Variants in AGXT2 observed in about 807,000 individuals in gnomAD.
AGXT2 encodes the protein alanine--glyoxylate aminotransferase 2, mitochondrial.
Under a neutral mutation model 62.5 loss-of-function variants are expected in AGXT2, and 61 were observed. The observed-to-expected ratio is 0.98, with a 90% CI of 0.79 to 1.21. The LOEUF (loss-of-function observed/expected upper bound fraction) is 1.21, where lower values mean the gene tolerates loss of function less well. Ranked by LOEUF, AGXT2 falls within the 50% of genes most tolerant of loss-of-function variation. The pLI, the probability that AGXT2 is intolerant of heterozygous loss-of-function variation, is 0.00. For missense variants in AGXT2, 666 were observed against 641.5 expected (o/e 1.04, Z -0.41); for synonymous variants, 243 against 218.7 (o/e 1.11, Z -0.98).
At chr5:35,047,250 G>A (rs1474270678) in intron 1 of AGXT2, among the ~76,000 whole-genome samples, 2 of 152,092 alleles carry the variant, frequency 1.3e-5, no homozygotes, top group Non-Finnish European at 2.9e-5. Flanking sequence ...ACCAACTTGA[G>A]CAACATAGTA....
chr5:35,018,224 G>A (rs1416841324), intron 9 of AGXT2, among the ~76,000 whole-genome samples: 2 of 152,044 alleles, frequency 1.3e-5, no homozygotes, highest in South Asian at 2.1e-4. Context: ...TACAGAGAAT[G>A]TCACAAAGAT....
At position 35,047,826 on chromosome 5, in the gene AGXT2, C is replaced by T; in HGVS notation, c.67G>A (p.Glu23Lys). 3 of 1,614,050 alleles carry T rather than the reference C, an allele frequency of 1.9e-6. No individual in the cohort carries two copies. Among genetic ancestry groups the T allele is most frequent in the Non-Finnish European group, 2.5e-6 (3 of 1,180,000 alleles). Residue 23 changes from glutamate (E) to lysine (K), a missense_variant, in exon 1 of 14, where the codon GAG becomes AAG. Coordinates refer to ENST00000231420, the MANE Select transcript of AGXT2 (RefSeq NM_031900.4). ...CLVTSAPRILEMHPFLSLGTS... is the reference protein window; with the variant it reads ...CLVTSAPRILKMHPFLSLGTS... ...TTACGGCTCAGGAAAGGATGCATCT[C>T]AAGGATCCTGGGAGCGGAAGTGACC...
At position 34,998,713 on chromosome 5, in the gene AGXT2, A is replaced by G. The variant is rs1337072237; in HGVS notation, c.*6T>C. The G allele has an allele frequency of 1.2e-6, 2 of 1,605,132 alleles. No individual in the cohort carries two copies. Among genetic ancestry groups the G allele is most frequent in the Non-Finnish European group, 1.7e-6 (2 of 1,172,176 alleles). Reference sequence around the variant, plus strand: ...AGACTTGTGGTTTTATTTATTTCTGACAATGTTACTTAGCTCTTCTTTCCA... The same window carrying G: ...AGACTTGTGGTTTTATTTATTTCTGGCAATGTTACTTAGCTCTTCTTTCCA... On this transcript the variant is annotated 3_prime_UTR_variant, in exon 14 of 14. Coordinates refer to ENST00000231420, the MANE Select transcript of AGXT2 (RefSeq NM_031900.4).
At chr5:35,015,354 G>T (rs1766812129) in intron 9 of AGXT2, among the ~76,000 whole-genome samples, 1 of 152,176 alleles carries the variant, frequency 6.6e-6, no homozygotes, top group Admixed American at 6.5e-5. Context: ...TGGCAGAATT[G>T]CCTGATTAAA....
At position 35,047,880 on chromosome 5, in the gene AGXT2, A is replaced by C. The variant is rs1768317095; in HGVS notation, c.13T>G (p.Trp5Gly). 6.2e-7 allele frequency: 1 copy of C among 1,613,992 alleles called. No individual in the cohort carries two copies. The highest frequency in any genetic ancestry group is 1.3e-5 in the African/African-American group (1 of 74,924). The change falls in exon 1 of 14, where the codon TGG becomes GGG. Residue 5 changes from tryptophan (W) to glycine (G), a missense_variant. Coordinates refer to ENST00000231420, the MANE Select transcript of AGXT2 (RefSeq NM_031900.4). ...CACAAGGGTCTCAGCAAATGTCTCCAGATTAGAGTCATTTCTCCCACTCAG... is the reference window on the plus strand; with the variant it reads ...CACAAGGGTCTCAGCAAATGTCTCCCGATTAGAGTCATTTCTCCCACTCAG... MTLIWRHLLRPLCLV... is the reference protein window; with the variant it reads MTLIGRHLLRPLCLV...
rs755414251 is a variant in AGXT2, at chr5:35,010,006, C to T, written c.1332G>A (p.Gln444=). The T allele has an allele frequency of 1.7e-5, 28 of 1,614,100 alleles. No individual in the cohort carries two copies. In the South Asian group the frequency reaches 2.6e-4, roughly 15 times the overall value. The change falls in exon 12 of 14, where the codon CAG becomes CAA. Residue 444 remains glutamine (Q), a synonymous_variant. Coordinates refer to ENST00000231420, the MANE Select transcript of AGXT2 (RefSeq NM_031900.4). ...KGLMIGIEMV[Q]DKISCRPLPR... Reference sequence around the variant, plus strand: ...GGGGCAGATTAGCACCTACCTTATCCTGCACCATTTCTATGCCTATCATGA... The same window carrying T: ...GGGGCAGATTAGCACCTACCTTATCTTGCACCATTTCTATGCCTATCATGA...
chr5:35,013,994 G>A lies in AGXT2; in HGVS notation c.1089C>T (p.Thr363=). 1 of 1,614,032 alleles carries A rather than the reference G, an allele frequency of 6.2e-7. No homozygotes were observed. The highest frequency in any genetic ancestry group is 8.5e-7 in the Non-Finnish European group (1 of 1,179,972). ...GNGFPMAAVI[T]TPEIAKSLAK... is the part of the protein sequence containing the mutation. ...ACTGCCTGTGGGTCCTACCTGGAGT[G>A]GTTATGACTGCTGCCATGGGAAAGC... The change falls in exon 10 of 14, where the codon ACC becomes ACT. Residue 363 remains threonine (T), a synonymous_variant. Coordinates refer to ENST00000231420, the MANE Select transcript of AGXT2 (RefSeq NM_031900.4).
At chr5:35,040,524 C>T (rs2112287789) in intron 2 of AGXT2, 51 bp downstream of exon 2, 1 of 1,523,102 alleles carries the variant, frequency 6.6e-7, no homozygotes, top group East Asian at 2.3e-5. Flanking sequence ...TCATTTGAGA[C>T]CTCCCCAGAG....
intron 1 of AGXT2, among the ~76,000 whole-genome samples, chr5:35,046,408 A>C (rs1768210351): frequency 6.6e-6 from 1 of 152,234 alleles, no homozygotes; most frequent in Admixed American, 6.5e-5. Flanking sequence ...GGAAAAGAGC[A>C]GTCCAAACAG....
chr5:35,028,847 C>T (rs555631602), intron 7 of AGXT2, among the ~76,000 whole-genome samples: 14 of 152,284 alleles, frequency 9.2e-5, no homozygotes, highest in Non-Finnish European at 1.8e-4. Flanking sequence ...CAGGGCTCCC[C>T]ACCTACCATC....
At chr5:35,014,683 G>A (rs1039305721) in intron 9 of AGXT2, among the ~76,000 whole-genome samples, 29 of 152,128 alleles carry the variant, frequency 1.9e-4, no homozygotes, top group Admixed American at 5.2e-4. Flanking sequence ...TAACTCATCC[G>A]TCAAGTAGAA....
At chr5:35,011,858 T>A (rs1350342431) in intron 11 of AGXT2, among the ~76,000 whole-genome samples, 1 of 151,174 alleles carries the variant, frequency 6.6e-6, no homozygotes, top group Non-Finnish European at 1.5e-5. Context: ...ATTGCAAAGA[T>A]ATGGAACCAA....
intron 7 of AGXT2, among the ~76,000 whole-genome samples, chr5:35,028,298 A>G (rs1767436002): frequency 6.6e-6 from 1 of 152,184 alleles, no homozygotes. Flanking sequence ...TCATGTTACC[A>G]GTACTAGCTG....
chr5:35,040,688 C>G (rs747577679), intron 1 of AGXT2, 25 bp from the exon 2 acceptor site: 1 of 1,562,678 alleles, frequency 6.4e-7, no homozygotes, highest in African/African-American at 1.4e-5. Flanking sequence ...AGTTAGAATC[C>G]TCAACTAAGC....
intron 6 of AGXT2, 52 bp from the exon 7 acceptor site, chr5:35,032,877 A>G (rs1767622445): frequency 1.4e-6 from 2 of 1,464,834 alleles, no homozygotes; most frequent in Non-Finnish European, 1.9e-6. Context: ...AAGACAGCCA[A>G]GTTAGGGTAG....
At position 35,010,010 on chromosome 5, in the gene AGXT2, A is replaced by T. The variant is rs548763349; in HGVS notation, c.1328T>A (p.Val443Glu). ...CAGATTAGCACCTACCTTATCCTGC[A>T]CCATTTCTATGCCTATCATGAGACC... ...GKGLMIGIEMVQDKISCRPLP... is the reference protein window; with the variant it reads ...GKGLMIGIEMEQDKISCRPLP... Residue 443 changes from valine to glutamate, a missense_variant, in exon 12 of 14, where the codon GTG (valine) becomes GAG (glutamate). Coordinates refer to ENST00000231420, the MANE Select transcript of AGXT2 (RefSeq NM_031900.4). 1.2e-6 allele frequency: 2 copies of T among 1,614,200 alleles called. No homozygotes were observed. The highest frequency in any genetic ancestry group is 2.2e-5 in the South Asian group (2 of 91,084).
chr5:35,025,415 T>A lies in AGXT2; in HGVS notation c.963+348A>T, dbSNP rs148962806. Among the ~76,000 whole-genome samples the A allele has an allele frequency of 3.2e-3, 492 of 152,248 alleles. 5 individuals carry two copies. Among genetic ancestry groups the A allele is most frequent in the African/African-American group, 0.011 (472 of 41,554 alleles). ...AAATAAAAACAACAAAAACCTTGGC[T>A]ATGAGATTAAATTTCCTATGATGTT... On this transcript the variant is annotated intron_variant, in intron 9 of 13. Coordinates refer to ENST00000231420, the MANE Select transcript of AGXT2 (RefSeq NM_031900.4).
At chr5:35,034,177 A>G (rs1281378434) in intron 5 of AGXT2, among the ~76,000 whole-genome samples, 2 of 152,084 alleles carry the variant, frequency 1.3e-5, no homozygotes, top group African/African-American at 4.8e-5. Flanking sequence ...TTGGTGCAAA[A>G]GTAATTGTGG....
Position 34,998,379 on chromosome 5 carries a change from C to G in AGXT2, c.*340G>C, listed in dbSNP as rs529230833. On this transcript the variant is annotated 3_prime_UTR_variant, in exon 14 of 14. Coordinates refer to ENST00000231420, the MANE Select transcript of AGXT2 (RefSeq NM_031900.4). The stretch of plus-strand genomic sequence containing the variant: ...AAACTTTCCCTGAAGGCACCTCCAC[C>G]AAAAGATTTTTCTTCAAGATTCACT... 165 of 315,232 alleles carry G rather than the reference C, an allele frequency of 5.2e-4. No homozygotes were observed. The highest frequency in any genetic ancestry group is 8.6e-4 in the Non-Finnish European group (146 of 168,804). The allele number at this position is 315,232 out of a possible 1,614,324, so 19.5% of individuals were successfully genotyped here.
Sources: allele counts gnomAD v4.1 joint callset (sites outside exome capture counted in the v4.1 genomes callset), GRCh38; gene constraint gnomAD v4.1.1; transcripts MANE v1.5; gene names NCBI Gene and HGNC (gene_info 2026-07-23, HGNC 2026-07-21).